FOXN4: variants seen among roughly 807,000 people sequenced by gnomAD.
FOXN4 encodes forkhead box protein N4.
A neutral mutation model predicts 45.0 loss-of-function variants in FOXN4; 12 were observed. That is an observed-to-expected ratio of 0.27 (90% CI 0.17 to 0.43). FOXN4 has a LOEUF of 0.43. Among genes scored for constraint, FOXN4 ranks in the 20% least tolerant of loss-of-function variants. The probability of loss-of-function intolerance (pLI) is 1.00; values close to 1 mark genes in which losing one functional copy is unlikely to be tolerated. For synonymous variants in FOXN4, 297 were observed against 295.0 expected (o/e 1.01, Z -0.07); for missense variants, 560 against 694.9 (o/e 0.81, Z 2.18).
At chr12:109,308,506 A>C (rs1363568396) in intron 1 of FOXN4, among the ~76,000 whole-genome samples, 182 bp from the exon 2 acceptor site, 3 of 152,140 alleles carry the variant, frequency 2.0e-5, no homozygotes, top group African/African-American at 7.2e-5. Flanking sequence ...TTCCCAGGGC[A>C]ATTCTACAGC....
Position 109,278,125 on chromosome 12 carries a change from G to A in FOXN4, c.*1546C>T, listed in dbSNP as rs2047622222. On this transcript the variant is annotated 3_prime_UTR_variant, in exon 10 of 10. Transcript: ENST00000299162. ...CAAAGCAGATGAGCAGTGCAGGTCA[G>A]ACGGGTAGCACTGGGATTGTGTCTA... The A allele has an allele frequency of 6.6e-6, 1 of 152,270 alleles. No homozygotes were observed. The highest frequency in any genetic ancestry group is 1.5e-5 in the Non-Finnish European group (1 of 68,066). The allele number at this position is 152,270 out of a possible 1,614,324, so 9.4% of individuals were successfully genotyped here.
At chr12:109,281,863 C>T in intron 8 of FOXN4, 64 bp from the exon 9 acceptor site, 1 of 1,488,806 alleles carries the variant, frequency 6.7e-7, no homozygotes, top group Non-Finnish European at 8.9e-7. Context: ...CAGCCCAGGC[C>T]TGGGTTCAAA....
At chr12:109,286,625 C>A (rs1214086001) in intron 7 of FOXN4, 23 bp downstream of exon 7, 1 of 1,592,966 alleles carries the variant, frequency 6.3e-7, no homozygotes, top group Non-Finnish European at 8.5e-7. Context: ...GCTCCAGCAC[C>A]CCTACCCTAG....
At chr12:109,294,895 C>T (rs2047802671) in intron 2 of FOXN4, among the ~76,000 whole-genome samples, 1 of 152,178 alleles carries the variant, frequency 6.6e-6, no homozygotes, top group African/African-American at 2.4e-5. Flanking sequence ...AAAGGTGTCC[C>T]CATGTGCCCT....
At chr12:109,296,896 T>C (rs1408999485) in intron 2 of FOXN4, among the ~76,000 whole-genome samples, 2 of 152,224 alleles carry the variant, frequency 1.3e-5, no homozygotes, top group East Asian at 3.9e-4. Flanking sequence ...AGCCCTGAGC[T>C]AAAGCCACTT....
chr12:109,308,378 G>A (rs2047939641), intron 1 of FOXN4, 54 bp from the exon 2 acceptor site: 18 of 1,227,662 alleles, frequency 1.5e-5, no homozygotes, highest in Non-Finnish European at 1.9e-5. Flanking sequence ...ATATGGACAG[G>A]GCAGAAACCC....
chr12:109,304,250 AG>A (rs1566005555), intron 2 of FOXN4, among the ~76,000 whole-genome samples: 1 of 95,582 alleles, frequency 1.0e-5, no homozygotes, highest in Non-Finnish European at 2.1e-5. Flanking sequence ...AAAGAAAGAA[AG>A]AAAGAAAGAA....
rs146494719 is a variant in FOXN4 at position 109,294,888 on chromosome 12, G to A, written c.87-4602C>T. On this transcript the variant is annotated intron_variant, in intron 2 of 9. Coordinates refer to ENST00000299162, the MANE Select transcript of FOXN4 (RefSeq NM_213596.3). ...CAGTGCCTGAAGTTCCCTCATTAAA[G>A]GTGTCCCCATGTGCCCTCGCCTCTC... 2.2e-3 allele frequency among the ~76,000 whole-genome samples: 331 copies of A among 152,144 alleles called. 1 individual carries two copies. The highest frequency in any genetic ancestry group is 7.3e-3 in the African/African-American group (302 of 41,496).
At position 109,279,865 on chromosome 12, in the gene FOXN4, A is replaced by T. The variant is rs373292889; in HGVS notation, c.1360T>A (p.Ser454Thr). ...GCCCCCAGGTCACAGCCAAGCGGGG[A>T]GTCTGCAAAGGCGCCCAGTGTGTCC... The part of the protein sequence containing the change: ...SLDTLGAFAD[S>T]PLGCDLGASG... Residue 454 changes from serine to threonine, a missense_variant, in exon 10 of 10, where the codon TCC becomes ACC. Around this residue, in one of 5 missense-constraint regions of FOXN4, gnomAD observed 315 missense variants for 350.5 expected, o/e 0.90. Coordinates refer to ENST00000299162, the MANE Select transcript of FOXN4 (RefSeq NM_213596.3). 1.2e-4 allele frequency: 190 copies of T among 1,613,984 alleles called. No individual in the cohort carries two copies. In the Middle Eastern group the frequency reaches 3.3e-3, roughly 28 times the overall value.
intron 2 of FOXN4, among the ~76,000 whole-genome samples, chr12:109,301,314 G>T (rs2047867275): frequency 6.6e-6 from 1 of 152,184 alleles, no homozygotes; most frequent in Non-Finnish European, 1.5e-5. Context: ...GCCATGTTTG[G>T]CTCCAGGTAG....
intron 2 of FOXN4, among the ~76,000 whole-genome samples, chr12:109,295,718 G>A (rs1039169511): frequency 2.0e-5 from 3 of 152,190 alleles, no homozygotes; most frequent in Non-Finnish European, 4.4e-5. Flanking sequence ...CCTAGGAGGC[G>A]GAGGTTGCAG....
intron 1 of FOXN4, among the ~76,000 whole-genome samples, chr12:109,308,572 G>C (rs1352091959): frequency 6.6e-6 from 1 of 152,200 alleles, no homozygotes; most frequent in Non-Finnish European, 1.5e-5. Flanking sequence ...TCGAATTAAT[G>C]GGGGAAGAGC....
chr12:109,289,065 C>T (rs909084832), intron 3 of FOXN4, among the ~76,000 whole-genome samples: 1 of 152,170 alleles, frequency 6.6e-6, no homozygotes. Flanking sequence ...CTTATTTCAC[C>T]ATTTGTTAAA....
rs2047718663 is a variant in FOXN4, at chr12:109,286,977, T to C, written c.597-233A>G. ...CAATTGGTACTGACTTGAGAAATCT[T>C]ACCCTTTCCCCTCTTTATTGCATCC... On this transcript the variant is annotated intron_variant, in intron 6 of 9. Coordinates refer to ENST00000299162, the MANE Select transcript of FOXN4 (RefSeq NM_213596.3). 3 of 1,104,882 alleles carry C rather than the reference T, an allele frequency of 2.7e-6. No homozygotes were observed. The African/African-American group carries it at 4.8e-5, about 18-fold the overall frequency. The allele number at this position is 1,104,882 out of a possible 1,614,324, so 68.4% of individuals were successfully genotyped here.
chr12:109,287,297 C>A lies in FOXN4; in HGVS notation c.596+100G>T. On this transcript the variant is annotated intron_variant, in intron 6 of 9. Coordinates refer to ENST00000299162, the MANE Select transcript of FOXN4 (RefSeq NM_213596.3). This position sits in a 1 kb window ranked among gnomAD's most constrained non-coding sequence, Gnocchi z 4.1. ...TCCCCAAAACCTCCCCCTTGGAAGT[C>A]TGGGCTGCCACACTAGCTGTCTGAG... is the stretch of plus-strand genomic sequence containing the variant. The A allele has an allele frequency of 6.8e-7, 1 of 1,467,148 alleles. No individual in the cohort carries two copies. Among genetic ancestry groups the A allele is most frequent in the East Asian group, 2.5e-5 (1 of 40,196 alleles). 90.9% of individuals were successfully genotyped at this position (1,467,148 alleles called of 1,614,324 possible). A position where few individuals can be genotyped will look rare whatever the true frequency, so the allele number is the denominator to read the frequency against.
rs867037993 is a variant in FOXN4, at chr12:109,291,078, C to T, written c.87-792G>A. 6.6e-6 allele frequency among the ~76,000 whole-genome samples: 1 copy of T among 152,146 alleles called. No homozygotes were observed. Among genetic ancestry groups the T allele is most frequent in the Non-Finnish European group, 1.5e-5 (1 of 68,012 alleles). ...CTCCTGAAGCCTGAGCCCTTCAACT[C>T]GACCCCTGGTGGTCCCAAGAGGCTC... On this transcript the variant is annotated intron_variant, in intron 2 of 9. Coordinates refer to ENST00000299162, the MANE Select transcript of FOXN4 (RefSeq NM_213596.3). The surrounding 1 kb of genome is among the most constrained non-coding windows in gnomAD (Gnocchi z 6.6).
In FOXN4 at chr12:109,281,609, C is replaced by A. The variant is rs1481245835; in HGVS notation, c.1092G>T (p.Gln364His). 1.2e-6 allele frequency: 2 copies of A among 1,608,946 alleles called. No homozygotes were observed. The highest frequency in any genetic ancestry group is 3.4e-5 in the Admixed American group (2 of 59,032). ...GAGCAAGATGTGCCTGGGGCTGGAC[C>A]TGGTGGTGCAGGGGGACTGACTGCA... ...LSLQSVPLHH[Q>H]VQPQAHLAPD... Residue 364 changes from glutamine to histidine, a missense_variant, in exon 9 of 10, where the codon CAG (glutamine) becomes CAT (histidine). Around this residue, in one of 5 missense-constraint regions of FOXN4, gnomAD observed 315 missense variants for 350.5 expected, o/e 0.90. Transcript: ENST00000299162.
Position 109,287,432 on chromosome 12 carries a change from G to A in FOXN4, c.561C>T (p.His187=). 1.3e-6 allele frequency: 2 copies of A among 1,551,602 alleles called. No homozygotes were observed. The highest frequency in any genetic ancestry group is 1.7e-4 in the Middle Eastern group (1 of 5,974). Residue 187 remains histidine (H), a synonymous_variant, in exon 6 of 10, where the codon CAC becomes CAT. Transcript: ENST00000299162. The surrounding 1 kb of genome is among the most constrained non-coding windows in gnomAD (Gnocchi z 4.1). ...AGATGGGCTTGGGGTAGTGTTTGGG[G>A]TGCAGTTCTTGAGATGAATGCACAG... ...HVAVHSSQEL[H]PKHYPKPIYS...
At chr12:109,284,817 C>CA (rs1356953269) in intron 8 of FOXN4, among the ~76,000 whole-genome samples, 1 of 150,490 alleles carries the variant, frequency 6.6e-6, no homozygotes, top group Non-Finnish European at 1.5e-5. Context: ...ATCTGGGCCT[C>CA]ACTGGGGTTG....
Sources: gnomAD v4.1 joint callset for allele counts (sites outside exome capture counted in the v4.1 genomes callset) on GRCh38, gnomAD v4.1.1 for gene constraint, gnomAD v4.1.1 regional missense constraint, Gnocchi (gnomAD v3.1) non-coding constraint, MANE v1.5 for transcripts, NCBI Gene and HGNC (gene_info 2026-07-23, HGNC 2026-07-21) for gene names.